ENTREP2: variants seen among roughly 807,000 people sequenced by gnomAD.
ENTREP2 encodes the protein endosomal transmembrane epsin interactor 2, also known as protein ENTREP2.
chr15:29,128,419 G>C, the ENTREP2 span, among the ~76,000 whole-genome samples: 2 of 152,138 alleles, frequency 1.3e-5, no homozygotes, highest in Admixed American at 6.5e-5. Context: ...GGGAGGTGCC[G>C]TGTGGACATT....
At chr15:29,653,956 T>C in the ENTREP2 span, among the ~76,000 whole-genome samples, 2 of 152,210 alleles carry the variant, frequency 1.3e-5, no homozygotes, top group Non-Finnish European at 1.5e-5. Flanking sequence ...ATATCAAGCA[T>C]TCCACATTTC....
the ENTREP2 span, among the ~76,000 whole-genome samples, chr15:29,542,069 T>G: frequency 6.6e-6 from 1 of 152,196 alleles, no homozygotes; most frequent in Non-Finnish European, 1.5e-5. Flanking sequence ...AGGGCAGTGG[T>G]GCGATCTCGG....
At chr15:29,374,633 A>C in the ENTREP2 span, 4 of 150,812 alleles carry the variant, frequency 2.7e-5, no homozygotes, top group African/African-American at 7.3e-5. Flanking sequence ...TTTTTATTCC[A>C]TTTTGAAAAA....
the ENTREP2 span, among the ~76,000 whole-genome samples, chr15:29,438,384 G>A: frequency 6.6e-6 from 1 of 152,210 alleles, no homozygotes; most frequent in Non-Finnish European, 1.5e-5. Context: ...AGAGCCAGGT[G>A]GCCATAGTTG....
chr15:29,373,975 G>C, the ENTREP2 span: 1 of 152,110 alleles, frequency 6.6e-6, no homozygotes, highest in South Asian at 2.1e-4. Flanking sequence ...GTACGCATCT[G>C]TGTATGCATG....
chr15:29,513,734 G>A, the ENTREP2 span, among the ~76,000 whole-genome samples: 1 of 152,176 alleles, frequency 6.6e-6, no homozygotes. Context: ...CCACCCAAAT[G>A]CAAGCTCTCA....
At chr15:29,446,676 G>T in the ENTREP2 span, among the ~76,000 whole-genome samples, 1 of 152,212 alleles carries the variant, frequency 6.6e-6, no homozygotes, top group Non-Finnish European at 1.5e-5. Flanking sequence ...AAAGTCAGCA[G>T]CTTAAAGCAA....
At chr15:29,196,796 A>G in the ENTREP2 span, 2 of 449,900 alleles carry the variant, frequency 4.4e-6, no homozygotes, top group South Asian at 9.3e-5. Context: ...ATTTGAAGAA[A>G]CTTAAGCTAT....
chr15:29,170,418 T>C, the ENTREP2 span, among the ~76,000 whole-genome samples: 1 of 150,348 alleles, frequency 6.7e-6, no homozygotes, highest in Non-Finnish European at 1.5e-5. Flanking sequence ...AAATGTAAAG[T>C]AGCCAAGAAT....
the ENTREP2 span, among the ~76,000 whole-genome samples, chr15:29,469,771 T>G: frequency 8.1e-6 from 1 of 123,428 alleles, no homozygotes. Context: ...CATTTTTTAA[T>G]AAATTAATTT....
the ENTREP2 span, among the ~76,000 whole-genome samples, chr15:29,646,874 C>A: frequency 1.3e-5 from 2 of 152,162 alleles, no homozygotes; most frequent in African/African-American, 4.8e-5. Context: ...TGCAATAAAA[C>A]AATCACTCAC....
chr15:29,520,104 T>C, the ENTREP2 span, among the ~76,000 whole-genome samples: 4 of 152,172 alleles, frequency 2.6e-5, no homozygotes, highest in African/African-American at 4.8e-5. Context: ...ACAAAGCCTG[T>C]TGGTGGACTC....
the ENTREP2 span, among the ~76,000 whole-genome samples, chr15:29,232,418 G>C: frequency 6.6e-6 from 1 of 151,540 alleles, no homozygotes. Flanking sequence ...TTAAAAAAAA[G>C]TTTTTGAAAG....
chr15:29,339,192 C>A, the ENTREP2 span, among the ~76,000 whole-genome samples: 4 of 152,222 alleles, frequency 2.6e-5, no homozygotes, highest in African/African-American at 4.8e-5. Context: ...AGCTGCCCAG[C>A]GGCCCACCCC....
chr15:29,465,990 C>T, the ENTREP2 span, among the ~76,000 whole-genome samples: 3 of 152,168 alleles, frequency 2.0e-5, no homozygotes, highest in Admixed American at 2.0e-4. Flanking sequence ...GATGAACTGC[C>T]AGGTTCATTC....
At chr15:29,489,101 T>A in the ENTREP2 span, among the ~76,000 whole-genome samples, 1 of 151,986 alleles carries the variant, frequency 6.6e-6, no homozygotes, top group Non-Finnish European at 1.5e-5. Context: ...CACACAAAAA[T>A]TATTACTGTT....
At chr15:29,562,118 T>C in the ENTREP2 span, among the ~76,000 whole-genome samples, 25 of 152,326 alleles carry the variant, frequency 1.6e-4, no homozygotes, top group Admixed American at 5.2e-4. Context: ...TCCTACAGAA[T>C]GCAAGGCCTG....
chr15:29,392,948 T>C, the ENTREP2 span, among the ~76,000 whole-genome samples: 1 of 152,260 alleles, frequency 6.6e-6, no homozygotes, highest in African/African-American at 2.4e-5. Flanking sequence ...TGTTGAACTA[T>C]ATAACTGCAC....
the ENTREP2 span, among the ~76,000 whole-genome samples, chr15:29,453,606 A>C: frequency 6.6e-6 from 1 of 152,226 alleles, no homozygotes; most frequent in East Asian, 1.9e-4. Context: ...TCAATAATAC[A>C]TCCTCAAGGA....
Sources: gnomAD v4.1 joint callset for allele counts (sites outside exome capture counted in the v4.1 genomes callset) on GRCh38, gnomAD v4.1.1 for gene constraint, MANE v1.5 for transcripts, NCBI Gene and HGNC (gene_info 2026-07-23, HGNC 2026-07-21) for gene names.